Variants in ITGA9 observed in about 807,000 individuals in gnomAD.
The protein encoded by ITGA9 is integrin subunit alpha 9.
Under a neutral mutation model 127.8 loss-of-function variants are expected in ITGA9, and 56 were observed. That is an observed-to-expected ratio of 0.44 (90% CI 0.35 to 0.55). The LOEUF is 0.55. ITGA9 is among the 20% of genes least tolerant of loss of function. The probability of loss-of-function intolerance (pLI) is 0.00; values close to 1 mark genes in which losing one functional copy is unlikely to be tolerated. For synonymous variants in ITGA9, 508 were observed against 514.5 expected, an observed-to-expected ratio of 0.99 and a Z score of 0.17; for missense variants, 1,196 against 1,347.1, an observed-to-expected ratio of 0.89 and a Z score of 1.76.
intron 18 of ITGA9, among the ~76,000 whole-genome samples, chr3:37,714,644 C>T (rs554521163): frequency 1.3e-5 from 2 of 152,304 alleles, no homozygotes; most frequent in East Asian, 1.9e-4. Context: ...CCACTCAAAG[C>T]GTGGTCTCCT....
chr3:37,691,188 G>A (rs1700828692), intron 18 of ITGA9, among the ~76,000 whole-genome samples: 1 of 152,222 alleles, frequency 6.6e-6, no homozygotes, highest in Admixed American at 6.5e-5. Context: ...CAAGTAATGT[G>A]GTCAGGGCTC....
At chr3:37,752,842 C>T (rs1696604697) in intron 23 of ITGA9, among the ~76,000 whole-genome samples, 1 of 152,166 alleles carries the variant, frequency 6.6e-6, no homozygotes, top group Non-Finnish European at 1.5e-5. Context: ...GAGTGTCTGG[C>T]TTATATATGG....
intron 17 of ITGA9, among the ~76,000 whole-genome samples, chr3:37,667,444 C>T (rs932985450): frequency 2.0e-5 from 3 of 152,176 alleles, no homozygotes; most frequent in Non-Finnish European, 4.4e-5. Context: ...AGGACAGCAG[C>T]AAAGGCAGAT....
chr3:37,548,596 A>G lies in ITGA9; in HGVS notation c.1689+6011A>G, dbSNP rs561398825. Among the ~76,000 whole-genome samples the G allele has an allele frequency of 2.0e-5, 3 of 152,116 alleles. No homozygotes were observed. In the East Asian group the frequency reaches 5.8e-4, roughly 29 times the overall value. ...ATTTAACCTGTCCAGGTGGTCTTCT[A>G]TATGTCAGTTCCAGACTAACCTGAT... On this transcript the variant is annotated intron_variant, in intron 15 of 27. Coordinates refer to ENST00000264741, the MANE Select transcript of ITGA9 (RefSeq NM_002207.3).
intron 19 of ITGA9, among the ~76,000 whole-genome samples, chr3:37,735,571 G>C (rs1415218428): frequency 3.9e-5 from 6 of 152,204 alleles, no homozygotes; most frequent in Non-Finnish European, 7.3e-5. Flanking sequence ...TGAAATTTAA[G>C]AACCGTTTTG....
Position 37,542,450 on chromosome 3 carries a change from C to T in ITGA9, c.1554C>T (p.Asp518=), listed in dbSNP as rs61751647. Residue 518 remains aspartate (D), a synonymous_variant, in exon 15 of 28, where the codon GAC becomes GAT. Transcript: ENST00000264741. ...EIGLNYVLMA[D]VAKKEKGQMP... ...GCCTGAATTATGTTCTGATGGCTGA[C>T]GTGGCCAAAAAGGAGAAGGGCCAGA... 9.3e-3 allele frequency: 14,969 copies of T among 1,613,748 alleles called. 81 individuals are homozygous for T. The highest frequency in any genetic ancestry group is 0.011 in the Non-Finnish European group (13,389 of 1,179,996).
chr3:37,486,067 A>G (rs1429252385), intron 4 of ITGA9, among the ~76,000 whole-genome samples: 2 of 152,246 alleles, frequency 1.3e-5, no homozygotes, highest in Admixed American at 1.3e-4. Context: ...TGTTAAGTCA[A>G]TGCATGTGAT....
At chr3:37,682,518 G>A (rs920363836) in intron 17 of ITGA9, among the ~76,000 whole-genome samples, 1 of 152,062 alleles carries the variant, frequency 6.6e-6, no homozygotes, top group Non-Finnish European at 1.5e-5. Flanking sequence ...ACTCCTAAAT[G>A]TGAGTCCTCA....
At chr3:37,601,216 C>A (rs1420242841) in intron 15 of ITGA9, among the ~76,000 whole-genome samples, 3 of 152,180 alleles carry the variant, frequency 2.0e-5, no homozygotes, top group Non-Finnish European at 4.4e-5. Context: ...GCCACGCCTC[C>A]ACCTTCCATT....
intron 15 of ITGA9, among the ~76,000 whole-genome samples, chr3:37,567,625 G>C (rs1699560549): frequency 1.3e-5 from 2 of 152,114 alleles, no homozygotes; most frequent in South Asian, 2.1e-4. Context: ...TACAATGGGG[G>C]TATAGGCATA....
intron 25 of ITGA9, among the ~76,000 whole-genome samples, chr3:37,782,410 C>T (rs754418364): frequency 1.3e-5 from 2 of 152,242 alleles, no homozygotes; most frequent in Non-Finnish European, 2.9e-5. Flanking sequence ...TGCCAAGGAA[C>T]ATGTCCCAGT....
chr3:37,533,337 A>T lies in ITGA9; in HGVS notation c.1397A>T (p.Asp466Val), dbSNP rs771197812. 1.2e-6 allele frequency: 2 copies of T among 1,614,158 alleles called. No individual in the cohort carries two copies. The highest frequency in any genetic ancestry group is 1.7e-6 in the Non-Finnish European group (2 of 1,180,024). ...LLRARPVITV[D>V]VSIFLPGSIN... Reference sequence around the variant, plus strand: ...AGAGCAAGGCCTGTCATTACGGTGGATGTCTCCATCTTCCTCCCGGGCTCC... The same window carrying T: ...AGAGCAAGGCCTGTCATTACGGTGGTTGTCTCCATCTTCCTCCCGGGCTCC... The change falls in exon 14 of 28, where the codon GAT becomes GTT. Residue 466 changes from aspartate to valine, a missense_variant. Physicochemically the swap from Asp to Val is radical, Grantham distance 152 (BLOSUM62 -3). Transcript: ENST00000264741.
At chr3:37,713,798 T>C (rs1701104189) in intron 18 of ITGA9, among the ~76,000 whole-genome samples, 1 of 152,232 alleles carries the variant, frequency 6.6e-6, no homozygotes, top group East Asian at 1.9e-4. Context: ...CCCGGGCTGC[T>C]CTGCTTACAG....
intron 3 of ITGA9, 76 bp from the exon 4 acceptor site, chr3:37,481,408 C>G: frequency 1.3e-6 from 2 of 1,579,786 alleles, no homozygotes; most frequent in South Asian, 2.2e-5. Flanking sequence ...AAAGAAACAT[C>G]TGGCACTGAC....
intron 1 of ITGA9, among the ~76,000 whole-genome samples, chr3:37,458,738 A>G (rs1698286419): frequency 1.3e-5 from 2 of 152,212 alleles, no homozygotes; most frequent in Non-Finnish European, 2.9e-5. Flanking sequence ...ATACCTCTGT[A>G]ATCAGTGTGT....
intron 16 of ITGA9, among the ~76,000 whole-genome samples, chr3:37,632,222 A>G (rs985874512): frequency 1.3e-5 from 2 of 152,240 alleles, no homozygotes; most frequent in African/African-American, 4.8e-5. Flanking sequence ...CTTAATGTCT[A>G]TGCAGTAGAC....
chr3:37,576,576 C>T (rs1186181504), intron 15 of ITGA9, among the ~76,000 whole-genome samples: 1 of 152,158 alleles, frequency 6.6e-6, no homozygotes, highest in Non-Finnish European at 1.5e-5. Flanking sequence ...GACAGGCATG[C>T]TGTGCCTGCC....
At chr3:37,618,384 C>T (rs6788487) in intron 15 of ITGA9, among the ~76,000 whole-genome samples, 3,670 of 152,328 alleles carry the variant, frequency 0.024, 127 homozygotes, top group African/African-American at 0.082. Context: ...TCGGGGATGC[C>T]TCCCAGTTAG....
intron 15 of ITGA9, among the ~76,000 whole-genome samples, chr3:37,600,751 C>T (rs1699915484): frequency 6.6e-6 from 1 of 152,164 alleles, no homozygotes; most frequent in Non-Finnish European, 1.5e-5. Flanking sequence ...GGGCAGAAAG[C>T]ACTCTTTCTC....
Sources: gnomAD v4.1 joint callset for allele counts (sites outside exome capture counted in the v4.1 genomes callset) on GRCh38, gnomAD v4.1.1 for gene constraint, MANE v1.5 for transcripts, NCBI Gene and HGNC (gene_info 2026-07-23, HGNC 2026-07-21) for gene names.